Variants in ITIH5 observed in about 807,000 individuals in gnomAD.
ITIH5 encodes the protein inter-alpha-trypsin inhibitor heavy chain H5.
Under a neutral mutation model 77.5 loss-of-function variants are expected in ITIH5, and 65 were observed. That is an observed-to-expected ratio of 0.84 (90% CI 0.69 to 1.03). ITIH5 has a LOEUF of 1.03. Among genes scored for constraint, ITIH5 ranks in the 50% least tolerant of loss-of-function variants. The pLI is 0.00. For synonymous variants in ITIH5, 525 were observed against 494.3 expected, an observed-to-expected ratio of 1.06 and a Z score of -0.82; for missense variants, 1,208 against 1,213.1, an observed-to-expected ratio of 1.00 and a Z score of 0.06.
rs1198937569 is a variant in ITIH5 at position 7,617,117 on chromosome 10, A to G, written c.818T>C (p.Ile273Thr). 1.9e-6 allele frequency: 3 copies of G among 1,539,892 alleles called. No individual in the cohort carries two copies. The highest frequency in any genetic ancestry group is 1.3e-5 in the South Asian group (1 of 76,210). ...DVNREQSIGDIQVLNGYFVHY... is the reference protein window; with the variant it reads ...DVNREQSIGDTQVLNGYFVHY... Reference sequence around the variant, plus strand: ...TAGCAACGACGATCCTATTACCTGGATGTCCCCAATGCTCTGTTCTCTATT... The same window carrying G: ...TAGCAACGACGATCCTATTACCTGGGTGTCCCCAATGCTCTGTTCTCTATT... Residue 273 changes from isoleucine (I) to threonine (T), a missense_variant, in exon 6 of 14, where the codon ATC (isoleucine) becomes ACC (threonine). Physicochemically the swap from Ile to Thr is moderately conservative, Grantham distance 89. Transcript: ENST00000397146.
chr10:7,600,231 T>G (rs955575537), intron 7 of ITIH5, among the ~76,000 whole-genome samples: 1 of 152,224 alleles, frequency 6.6e-6, no homozygotes, highest in African/African-American at 2.4e-5. Context: ...AAGTTTCAGA[T>G]GTGCTCCATA....
chr10:7,642,014 C>A lies in ITIH5; in HGVS notation c.212G>T (p.Cys71Phe). ...TTCAGAAGCTCTGTTCAGCATTCTG[C>A]AGGAAACCGTAGTGAAGGCATAACG... ...ISRYAFTTVS[C>F]RMLNRASEDQ... The change falls in exon 3 of 14, where the codon TGC becomes TTC. Residue 71 changes from cysteine to phenylalanine, a missense_variant. Cys to Phe is a radical substitution (Grantham distance 205). Transcript: ENST00000397146. 1 of 1,613,954 alleles carries A rather than the reference C, an allele frequency of 6.2e-7. No individual in the cohort carries two copies.
intron 7 of ITIH5, among the ~76,000 whole-genome samples, chr10:7,590,360 A>G (rs12778319): frequency 0.28 from 43,148 of 152,034 alleles, 6,460 homozygotes; most frequent in East Asian, 0.49. Context: ...TTTTCTTAAT[A>G]CAAAAATATT....
intron 5 of ITIH5, 141 bp downstream of exon 5, chr10:7,637,087 A>G (rs1355431373): frequency 2.8e-6 from 3 of 1,065,934 alleles, no homozygotes; most frequent in Non-Finnish European, 4.1e-6. Flanking sequence ...TCTTAGCTTC[A>G]TTGCTATCAT....
chr10:7,643,934 G>A (rs978822411), intron 2 of ITIH5, among the ~76,000 whole-genome samples: 3 of 152,296 alleles, frequency 2.0e-5, no homozygotes, highest in East Asian at 1.9e-4. Flanking sequence ...GTATTAGAGA[G>A]GTGGCTACAA....
At chr10:7,616,398 T>C (rs1038489650) in intron 6 of ITIH5, among the ~76,000 whole-genome samples, 2 of 100,412 alleles carry the variant, frequency 2.0e-5, no homozygotes, top group East Asian at 7.0e-4. Context: ...CTTCATTATG[T>C]TTTTTTTACC....
Position 7,613,265 on chromosome 10 carries a change from A to G in ITIH5, c.939+2717T>C, listed in dbSNP as rs893965293. Reference sequence around the variant, plus strand: ...CGTCTCAAAAAAAAAAAAAAAAAAAAAAAAAGAACTTGTAGCCCATAATGC... The same window carrying G: ...CGTCTCAAAAAAAAAAAAAAAAAAAGAAAAAGAACTTGTAGCCCATAATGC... On this transcript the variant is annotated intron_variant, in intron 7 of 13. Coordinates refer to ENST00000397146, the MANE Select transcript of ITIH5 (RefSeq NM_030569.7). Among the ~76,000 whole-genome samples the G allele has an allele frequency of 2.0e-3, 302 of 150,488 alleles. 1 individual carries two copies. Among genetic ancestry groups the G allele is most frequent in the African/African-American group, 6.7e-3 (275 of 41,258 alleles).
intron 5 of ITIH5, among the ~76,000 whole-genome samples, chr10:7,633,858 G>C (rs1176116049): frequency 6.6e-6 from 1 of 151,998 alleles, no homozygotes; most frequent in African/African-American, 2.4e-5. Flanking sequence ...GGGAGGCCGA[G>C]GCGGGCGGAT....
chr10:7,617,070 G>C (rs1435024895), intron 6 of ITIH5, 43 bp downstream of exon 6: 1 of 1,378,884 alleles, frequency 7.3e-7, no homozygotes, highest in South Asian at 1.7e-5. Context: ...TCTGTCCAAA[G>C]TACCAACCAA....
At chr10:7,630,498 CTTTG>C (rs1259965633) in intron 5 of ITIH5, among the ~76,000 whole-genome samples, 2 of 152,166 alleles carry the variant, frequency 1.3e-5, no homozygotes, top group Non-Finnish European at 2.9e-5. Flanking sequence ...TGTAACTTTC[CTTTG>C]TTTGTTCCAT....
chr10:7,595,794 G>A (rs140230692), intron 7 of ITIH5, among the ~76,000 whole-genome samples: 8,588 of 152,182 alleles, frequency 0.056, 252 homozygotes, highest in Middle Eastern at 0.17. Context: ...GGATCATGAG[G>A]TCAGGAGATT....
Position 7,593,226 on chromosome 10 carries a change from C to T in ITIH5, c.940-7157G>A, listed in dbSNP as rs113383516. ...AGGCCTCAGCTGCAACTTGTCCTTG[C>T]GTGCACCAGGGAAGGCAGCCCAGGC... is the stretch of plus-strand genomic sequence containing the variant. On this transcript the variant is annotated intron_variant, in intron 7 of 13. Transcript: ENST00000397146. 4.0e-3 allele frequency among the ~76,000 whole-genome samples: 610 copies of T among 152,230 alleles called. 7 individuals are homozygous for T. The highest frequency in any genetic ancestry group is 0.014 in the African/African-American group (570 of 41,512).
Position 7,652,848 on chromosome 10 carries a change from A to G in ITIH5, c.135+2783T>C, listed in dbSNP as rs190904049. 7.2e-5 allele frequency among the ~76,000 whole-genome samples: 11 copies of G among 152,286 alleles called. No individual in the cohort carries two copies. The East Asian group carries it at 1.9e-3, about 27-fold the overall frequency. ...ACATACAAAGGTCTCTGATAAATTG[A>G]CAATGAGGTGGATAAAAAACACAAT... On this transcript the variant is annotated intron_variant, in intron 2 of 13. Coordinates refer to ENST00000397146, the MANE Select transcript of ITIH5 (RefSeq NM_030569.7).
At chr10:7,641,650 A>AAGGAGGG (rs1833887901) in intron 3 of ITIH5, among the ~76,000 whole-genome samples, 1 of 83,028 alleles carries the variant, frequency 1.2e-5, no homozygotes, top group Non-Finnish European at 2.3e-5. Flanking sequence ...GGAAGGAAGG[A>AAGGAGGG]AGGGAGGGAG....
At chr10:7,624,853 ATGTG>A (rs557840656) in intron 5 of ITIH5, among the ~76,000 whole-genome samples, 3 of 107,758 alleles carry the variant, frequency 2.8e-5, no homozygotes, top group African/African-American at 1.2e-4. Context: ...ACACATATAT[ATGTG>A]TATATATGTA....
At chr10:7,595,975 T>C (rs1832886913) in intron 7 of ITIH5, among the ~76,000 whole-genome samples, 1 of 152,202 alleles carries the variant, frequency 6.6e-6, no homozygotes, top group Admixed American at 6.5e-5. Context: ...GCCACTGCAT[T>C]CCAGCCTGGG....
At chr10:7,613,358 C>T (rs1311359934) in intron 7 of ITIH5, among the ~76,000 whole-genome samples, 1 of 151,962 alleles carries the variant, frequency 6.6e-6, no homozygotes, top group Non-Finnish European at 1.5e-5. Flanking sequence ...CAATAAATAT[C>T]AGCCACTATA....
intron 5 of ITIH5, among the ~76,000 whole-genome samples, chr10:7,629,116 A>C (rs112782961): frequency 0.02 from 705 of 35,970 alleles, 17 homozygotes; most frequent in African/African-American, 0.06. Context: ...CATGTTGTAG[A>C]GTGTGTCCGT....
intron 7 of ITIH5, among the ~76,000 whole-genome samples, chr10:7,598,379 G>A (rs1485321711): frequency 6.6e-6 from 1 of 152,118 alleles, no homozygotes; most frequent in African/African-American, 2.4e-5. Flanking sequence ...TCATAAAATG[G>A]AAAATTTGGG....
Sources: allele counts gnomAD v4.1 joint callset (sites outside exome capture counted in the v4.1 genomes callset), GRCh38; gene constraint gnomAD v4.1.1; transcripts MANE v1.5; gene names NCBI Gene and HGNC (gene_info 2026-07-23, HGNC 2026-07-21).